Variants in RGS17 observed in about 807,000 individuals in gnomAD.
RGS17 encodes the protein regulator of G-protein signaling 17.
RGS17 carries 12 observed loss-of-function variants against 25.5 expected under a neutral mutation model. The observed-to-expected ratio is 0.47, with a 90% confidence interval of 0.30 to 0.76. The LOEUF (loss-of-function observed/expected upper bound fraction) is 0.76. Among genes scored for constraint, RGS17 ranks in the 30% least tolerant of loss-of-function variants. The pLI, the probability that RGS17 is intolerant of heterozygous loss-of-function variation, is 0.07. For missense variants in RGS17, 196 were observed against 242.2 expected (o/e 0.81, Z 1.27); for synonymous variants, 71 against 76.9 (o/e 0.92, Z 0.40).
chr6:153,075,605 C>T (rs1316778133), intron 1 of RGS17, among the ~76,000 whole-genome samples: 1 of 152,158 alleles, frequency 6.6e-6, no homozygotes, highest in Non-Finnish European at 1.5e-5. Flanking sequence ...CTTTATCCTT[C>T]TAAGCAGACT....
chr6:153,077,364 A>G (rs1776898658), intron 1 of RGS17, among the ~76,000 whole-genome samples: 1 of 152,120 alleles, frequency 6.6e-6, no homozygotes, highest in South Asian at 2.1e-4. Context: ...AGCTGTATAT[A>G]ATAGTTGGGA....
chr6:153,013,786 G>A (rs1779156748), intron 4 of RGS17, among the ~76,000 whole-genome samples: 1 of 152,230 alleles, frequency 6.6e-6, no homozygotes, highest in Non-Finnish European at 1.5e-5. Flanking sequence ...CCAGAGCAAG[G>A]TCCTAACTCT....
intron 2 of RGS17, among the ~76,000 whole-genome samples, chr6:153,033,363 G>A (rs1584126442): frequency 6.6e-6 from 1 of 152,154 alleles, no homozygotes; most frequent in Non-Finnish European, 1.5e-5. Context: ...AGCATAAACA[G>A]AGTTTATTTT....
chr6:153,104,872 A>C (rs1777356899), intron 1 of RGS17, among the ~76,000 whole-genome samples: 1 of 152,060 alleles, frequency 6.6e-6, no homozygotes, highest in South Asian at 2.1e-4. Context: ...AAAAGGTTAC[A>C]TCTGAGAAAG....
In RGS17 at chr6:153,006,633, G is replaced by A. The variant is rs1251978419; in HGVS notation, c.*4941C>T. Reference sequence around the variant, plus strand: ...TAACGTATGTTTTGGAAAAAAATAGGGGAAAGTGCATTAAAGTGACATTTA... The same window carrying A: ...TAACGTATGTTTTGGAAAAAAATAGAGGAAAGTGCATTAAAGTGACATTTA... On this transcript the variant is annotated 3_prime_UTR_variant, in exon 5 of 5. Coordinates refer to ENST00000206262, the MANE Select transcript of RGS17 (RefSeq NM_012419.5). 2 of 152,356 alleles carry A rather than the reference G, an allele frequency of 1.3e-5. No individual in the cohort carries two copies. The highest frequency in any genetic ancestry group is 2.9e-5 in the Non-Finnish European group (2 of 67,978). The allele number at this position is 152,356 out of a possible 1,614,324, so 9.4% of individuals were successfully genotyped here. A position where few individuals can be genotyped will look rare whatever the true frequency, so the allele number is the denominator to read the frequency against.
rs1471048986 is a variant in RGS17 at position 153,004,909 on chromosome 6, A to C, written c.*6665T>G. ...GTCCACTGATAAATATTGGTGGAGT[A>C]CAATATATGGATATAGATTAAGTGT... is the stretch of plus-strand genomic sequence containing the variant. On this transcript the variant is annotated 3_prime_UTR_variant, in exon 5 of 5. Coordinates refer to ENST00000206262, the MANE Select transcript of RGS17 (RefSeq NM_012419.5). The C allele has an allele frequency of 6.6e-6, 1 of 152,212 alleles. No individual in the cohort carries two copies. Among genetic ancestry groups the C allele is most frequent in the Admixed American group, 6.5e-5 (1 of 15,288 alleles). 9.4% of individuals were successfully genotyped at this position (152,212 alleles called of 1,614,324 possible). A position where few individuals can be genotyped will look rare whatever the true frequency, so the allele number is the denominator to read the frequency against.
intron 4 of RGS17, among the ~76,000 whole-genome samples, chr6:153,017,948 A>G (rs1779200858): frequency 6.6e-6 from 1 of 152,254 alleles, no homozygotes; most frequent in Non-Finnish European, 1.5e-5. Context: ...AAATCTAAAG[A>G]ATACATGATC....
At chr6:153,014,083 A>G (rs1335791141) in intron 4 of RGS17, among the ~76,000 whole-genome samples, 1 of 152,228 alleles carries the variant, frequency 6.6e-6, no homozygotes, top group African/African-American at 2.4e-5. Context: ...GAGAGAAGTC[A>G]ATGCCTGATT....
intron 4 of RGS17, among the ~76,000 whole-genome samples, chr6:153,017,724 C>T (rs901949445): frequency 2.0e-5 from 3 of 152,132 alleles, no homozygotes; most frequent in Admixed American, 1.3e-4. Context: ...ATGTTTTTCA[C>T]GTATCACATC....
chr6:153,049,751 AAAATAAAT>A (rs71773340), intron 1 of RGS17, among the ~76,000 whole-genome samples: 3 of 150,472 alleles, frequency 2.0e-5, no homozygotes, highest in African/African-American at 4.9e-5. Flanking sequence ...ACTCCTTCTC[AAAATAAAT>A]AAATAAATAA....
intron 1 of RGS17, among the ~76,000 whole-genome samples, chr6:153,053,572 A>G (rs1776491057): frequency 6.6e-6 from 1 of 152,110 alleles, no homozygotes; most frequent in Non-Finnish European, 1.5e-5. Flanking sequence ...GGACCACTTG[A>G]GGCCAAGAGT....
chr6:153,034,403 G>A (rs1335205550), intron 2 of RGS17, among the ~76,000 whole-genome samples: 4 of 152,110 alleles, frequency 2.6e-5, no homozygotes, highest in African/African-American at 7.2e-5. Context: ...AACAGCATCC[G>A]CTACCTTAAC....
intron 1 of RGS17, among the ~76,000 whole-genome samples, chr6:153,100,465 A>T (rs1220003423): frequency 6.6e-6 from 1 of 152,196 alleles, no homozygotes; most frequent in African/African-American, 2.4e-5. Context: ...ATCATTATAC[A>T]TTGTATACAC....
chr6:153,013,689 A>G (rs1779156079), intron 4 of RGS17, among the ~76,000 whole-genome samples: 1 of 152,230 alleles, frequency 6.6e-6, no homozygotes, highest in South Asian at 2.1e-4. Context: ...AGAAAGCAAA[A>G]CAACCTGTTG....
intron 1 of RGS17, among the ~76,000 whole-genome samples, chr6:153,070,619 T>G (rs556585787): frequency 8.6e-5 from 13 of 151,784 alleles, no homozygotes; most frequent in African/African-American, 3.1e-4. Context: ...AGAATCAATC[T>G]TCCATGGATA....
At chr6:153,021,270 G>T (rs1483765393) in intron 4 of RGS17, among the ~76,000 whole-genome samples, 2 of 152,132 alleles carry the variant, frequency 1.3e-5, no homozygotes, top group African/African-American at 4.8e-5. Flanking sequence ...GTATAATCAG[G>T]ACTCTCTCAA....
At chr6:153,074,002 C>T (rs1383669913) in intron 1 of RGS17, among the ~76,000 whole-genome samples, 1 of 152,084 alleles carries the variant, frequency 6.6e-6, no homozygotes, top group African/African-American at 2.4e-5. Flanking sequence ...ATATCCAGAC[C>T]TAAAATAAGA....
chr6:153,095,916 T>C (rs1369427602), intron 1 of RGS17, among the ~76,000 whole-genome samples: 1 of 152,214 alleles, frequency 6.6e-6, no homozygotes, highest in Non-Finnish European at 1.5e-5. Flanking sequence ...ACACAACCAA[T>C]TAACATGGTA....
Position 153,009,361 on chromosome 6 carries a change from C to A in RGS17, c.*2213G>T, listed in dbSNP as rs1024065855. 6.6e-6 allele frequency: 1 copy of A among 151,986 alleles called. No homozygotes were observed. Among genetic ancestry groups the A allele is most frequent in the Non-Finnish European group, 1.5e-5 (1 of 67,908 alleles). The allele number at this position is 151,986 out of a possible 1,614,324, so 9.4% of individuals were successfully genotyped here. On this transcript the variant is annotated 3_prime_UTR_variant, in exon 5 of 5. Coordinates refer to ENST00000206262, the MANE Select transcript of RGS17 (RefSeq NM_012419.5). The stretch of plus-strand genomic sequence containing the variant: ...CTCACACACAGAAACAAATATGATA[C>A]TACACCATACATGTGTATATATCAT...
Sources: gnomAD v4.1 joint callset for allele counts (sites outside exome capture counted in the v4.1 genomes callset) on GRCh38, gnomAD v4.1.1 for gene constraint, MANE v1.5 for transcripts, NCBI Gene and HGNC (gene_info 2026-07-23, HGNC 2026-07-21) for gene names.